Variants in AHRR observed in about 807,000 individuals in gnomAD.
AHRR encodes aryl hydrocarbon receptor repressor.
Under a neutral mutation model 44.0 loss-of-function variants are expected in AHRR, and 28 were observed. That is an observed-to-expected ratio of 0.64 (90% CI 0.47 to 0.87). The LOEUF (loss-of-function observed/expected upper bound fraction) is 0.87. Ranked by LOEUF, AHRR falls within the 40% of genes least tolerant of loss-of-function variation. AHRR has a pLI of 0.00. For missense variants in AHRR, 990 were observed against 953.9 expected (o/e 1.04, Z -0.50); for synonymous variants, 434 against 407.0 (o/e 1.07, Z -0.80).
chr5:343,751 C>A, intron 1 of AHRR, 142 bp from the exon 2 acceptor site: 1 of 774,694 alleles, frequency 1.3e-6, no homozygotes, highest in Non-Finnish European at 2.0e-6. Context: ...CAGGGGGTCC[C>A]ACGAGGAGGA....
chr5:325,404 C>T (rs1369077168), intron 1 of AHRR, among the ~76,000 whole-genome samples: 1 of 152,226 alleles, frequency 6.6e-6, no homozygotes, highest in Non-Finnish European at 1.5e-5. Flanking sequence ...TTCTCCCCAC[C>T]AGACTGGGGC....
chr5:381,988 T>G (rs933828250), intron 4 of AHRR, among the ~76,000 whole-genome samples: 11 of 152,254 alleles, frequency 7.2e-5, no homozygotes, highest in African/African-American at 2.7e-4. Flanking sequence ...TGTTGTACAT[T>G]ACATTGATTT....
chr5:437,384 G>C lies in AHRR; in HGVS notation c.*2550G>C, dbSNP rs1737131890. On this transcript the variant is annotated 3_prime_UTR_variant, in exon 11 of 11. Transcript: ENST00000684583. ...GCTCTTCCAGTCTCGGGGCCGAGGA[G>C]GGCAGGGAGCTCAGTGACTGAGAGT... is the stretch of plus-strand genomic sequence containing the variant. 1 of 152,416 alleles carries C rather than the reference G, an allele frequency of 6.6e-6. No individual in the cohort carries two copies. Among genetic ancestry groups the C allele is most frequent in the African/African-American group, 2.4e-5 (1 of 41,458 alleles). The allele number at this position is 152,416 out of a possible 1,614,324, so 9.4% of individuals were successfully genotyped here. A position where few individuals can be genotyped will look rare whatever the true frequency, so the allele number is the denominator to read the frequency against.
chr5:414,281 T>TA (rs200474713), intron 5 of AHRR, among the ~76,000 whole-genome samples: 4,354 of 151,704 alleles, frequency 0.029, 209 homozygotes, highest in African/African-American at 0.097. Context: ...AAATAAAAAA[T>TA]AAAAAAATCC....
chr5:391,263 G>A (rs1734402632), intron 4 of AHRR, among the ~76,000 whole-genome samples: 1 of 152,178 alleles, frequency 6.6e-6, no homozygotes, highest in Admixed American at 6.5e-5. Flanking sequence ...CAGGAGCTCT[G>A]CGGGGGGAGC....
intron 5 of AHRR, among the ~76,000 whole-genome samples, chr5:418,289 C>T (rs1327100090): frequency 6.6e-6 from 1 of 152,198 alleles, no homozygotes; most frequent in Non-Finnish European, 1.5e-5. Flanking sequence ...CCATTTCTCC[C>T]ACCATGTCTC....
rs142275468 is a variant in AHRR, at chr5:405,684, G to A, written c.352-7660G>A. Among the ~76,000 whole-genome samples, 1 of 152,176 alleles carries A rather than the reference G, an allele frequency of 6.6e-6. No homozygotes were observed. Among genetic ancestry groups the A allele is most frequent in the African/African-American group, 2.4e-5 (1 of 41,446 alleles). ...CGCCGGCACCTGACCCAGCAGCCTT[G>A]TCCCACCGCCTGCGACCACCAGCTC... On this transcript the variant is annotated intron_variant, in intron 4 of 10. Transcript: ENST00000684583. The surrounding 1 kb of genome is among the most constrained non-coding windows in gnomAD (Gnocchi z 4.5).
intron 1 of AHRR, among the ~76,000 whole-genome samples, chr5:333,051 C>CG (rs1235351081): frequency 6.6e-6 from 1 of 151,650 alleles, no homozygotes; most frequent in Admixed American, 6.6e-5. Context: ...CCCCACCCCC[C>CG]GCCTTTACTT....
rs1408443891 is a variant in AHRR, at chr5:397,164, G to A, written c.352-16180G>A. 5.5e-5 allele frequency among the ~76,000 whole-genome samples: 6 copies of A among 109,048 alleles called. 1 individual carries two copies. The highest frequency in any genetic ancestry group is 3.3e-4 in the South Asian group (1 of 3,046). 71.5% of individuals were successfully genotyped at this position (109,048 alleles called of 152,430 possible). Reference sequence around the variant, plus strand: ...TCCATGTTAGCCCCTGACCATCCACGTAGCTCCTGACCATCCATGTTAGCC... The same window carrying A: ...TCCATGTTAGCCCCTGACCATCCACATAGCTCCTGACCATCCATGTTAGCC... On this transcript the variant is annotated intron_variant, in intron 4 of 10. Coordinates refer to ENST00000684583, the MANE Select transcript of AHRR (RefSeq NM_001377236.1).
chr5:379,722 A>G (rs1203657990), intron 4 of AHRR, among the ~76,000 whole-genome samples: 2 of 152,308 alleles, frequency 1.3e-5, no homozygotes, highest in African/African-American at 4.8e-5. Context: ...ATCTCTTTAT[A>G]TATTCTGGAA....
At chr5:428,035 A>T (rs187824311) in intron 8 of AHRR, 29 bp downstream of exon 8, 2 of 1,598,724 alleles carry the variant, frequency 1.3e-6, no homozygotes. Context: ...TCACAGCCAC[A>T]TGGTGCCTGC....
rs572918520 is a variant in AHRR, at chr5:343,781, C to G, written c.-10-112C>G. On this transcript the variant is annotated intron_variant, in intron 1 of 10. Coordinates refer to ENST00000684583, the MANE Select transcript of AHRR (RefSeq NM_001377236.1). ...GGAGGAGCAGGAGGTGGGGGCCTCG[C>G]GGGGTCGCGGGTGTGGGGGCGCCAG... is the stretch of plus-strand genomic sequence containing the variant. 803 of 1,072,748 alleles carry G rather than the reference C, an allele frequency of 7.5e-4. 3 individuals are homozygous for G. The African/African-American group carries it at 0.012, about 16-fold the overall frequency. 66.5% of individuals were successfully genotyped at this position (1,072,748 alleles called of 1,614,324 possible). A position where few individuals can be genotyped will look rare whatever the true frequency, so the allele number is the denominator to read the frequency against.
intron 3 of AHRR, among the ~76,000 whole-genome samples, chr5:359,787 C>T (rs1396715750): frequency 6.6e-6 from 1 of 152,204 alleles, no homozygotes; most frequent in Non-Finnish European, 1.5e-5. Flanking sequence ...CGCTTCACCC[C>T]ACCCTAGGTG....
At chr5:371,362 C>T (rs1362123336) in intron 3 of AHRR, among the ~76,000 whole-genome samples, 4 of 152,232 alleles carry the variant, frequency 2.6e-5, no homozygotes, top group African/African-American at 9.6e-5. Context: ...AGGCCTGTGT[C>T]CTCATTAGTT....
At position 434,725 on chromosome 5, in the gene AHRR, CACCCCAGTGGGCT is replaced by C. The variant is rs779919521; in HGVS notation, c.1988_2000del (p.Pro663LeufsTer99). 1 of 1,572,340 alleles carries C rather than the reference CACCCCAGTGGGCT, an allele frequency of 6.4e-7. No homozygotes were observed. The highest frequency in any genetic ancestry group is 1.2e-5 in the South Asian group (1 of 85,698). On this transcript the variant is annotated frameshift_variant, in exon 11 of 11. Coordinates refer to ENST00000684583, the MANE Select transcript of AHRR (RefSeq NM_001377236.1). LOFTEE classifies it low-confidence loss of function (END_TRUNC). ...GTGGTCAAGCGGGAGCCCTTGGACT[CACCCCAGTGGGCT>C]ACTCACAGCCAGGGAATGGTGCCCG...
At chr5:344,049 G>A in intron 2 of AHRR, 85 bp downstream of exon 2, 3 of 1,419,420 alleles carry the variant, frequency 2.1e-6, no homozygotes, top group Non-Finnish European at 2.9e-6. Context: ...CGGAGTTTTA[G>A]GAACAGGGCG....
At chr5:373,778 C>G (rs934769886) in intron 3 of AHRR, among the ~76,000 whole-genome samples, 10 of 151,446 alleles carry the variant, frequency 6.6e-5, no homozygotes, top group South Asian at 4.1e-4. Flanking sequence ...CGCGCGGACC[C>G]CGAGCCCCAT....
intron 8 of AHRR, among the ~76,000 whole-genome samples, chr5:429,061 A>T (rs1736599039): frequency 6.6e-6 from 1 of 152,144 alleles, no homozygotes; most frequent in African/African-American, 2.4e-5. Context: ...GGGGCTGGGG[A>T]CCCCTGCCCT....
intron 4 of AHRR, 25 bp from the exon 5 acceptor site, chr5:413,319 T>A: frequency 6.5e-7 from 1 of 1,548,502 alleles, no homozygotes; most frequent in Non-Finnish European, 8.8e-7. Flanking sequence ...TTCGATTTTT[T>A]TTTTTGTTTT....
Sources: allele counts gnomAD v4.1 joint callset (sites outside exome capture counted in the v4.1 genomes callset), GRCh38; gene constraint gnomAD v4.1.1; non-coding constraint Gnocchi (gnomAD v3.1); transcripts MANE v1.5; gene names NCBI Gene and HGNC (gene_info 2026-07-23, HGNC 2026-07-21).